MICAL3: variants seen among roughly 807,000 people sequenced by gnomAD.
MICAL3 encodes microtubule associated monooxygenase, calponin and LIM domain containing 3, also known as [F-actin]-monooxygenase MICAL3.
Under a neutral mutation model 207.4 loss-of-function variants are expected in MICAL3, and 62 were observed. The observed-to-expected ratio is 0.30, with a 90% CI of 0.24 to 0.37. The LOEUF is 0.37. Ranked by LOEUF, MICAL3 falls within the 10% of genes least tolerant of loss-of-function variation. The probability of loss-of-function intolerance (pLI) is 1.00; values close to 1 mark genes in which losing one functional copy is unlikely to be tolerated. For synonymous variants in MICAL3, 1,077 were observed against 1,069.3 expected (o/e 1.01, Z -0.14); for missense variants, 2,368 against 2,635.6 (o/e 0.90, Z 2.22).
intron 1 of MICAL3, among the ~76,000 whole-genome samples, chr22:18,022,756 C>A (rs1924565818): frequency 6.6e-6 from 1 of 152,076 alleles, no homozygotes; most frequent in African/African-American, 2.4e-5. Flanking sequence ...AGTGTCCATT[C>A]TCCTTGTAGT....
chr22:17,932,262 A>G (rs946160966), intron 1 of MICAL3, among the ~76,000 whole-genome samples: 1 of 152,242 alleles, frequency 6.6e-6, no homozygotes, highest in Non-Finnish European at 1.5e-5. Context: ...GAAGGCCATC[A>G]GACTAACGCG....
At chr22:17,962,321 C>A (rs1327757464) in intron 1 of MICAL3, among the ~76,000 whole-genome samples, 1 of 152,194 alleles carries the variant, frequency 6.6e-6, no homozygotes, top group South Asian at 2.1e-4. Context: ...CAGAGAGGGC[C>A]GCTCAGGGAG....
intron 16 of MICAL3, among the ~76,000 whole-genome samples, chr22:17,877,261 GGGAAGTTATGGAGGTT>G (rs1928746432): frequency 4.5e-5 from 2 of 44,860 alleles, no homozygotes; most frequent in African/African-American, 1.4e-4. Flanking sequence ...AGGGAGGTTA[GGGAAGTTATGGAGGTT>G]AGGGAGGTTA....
At chr22:17,877,988 G>C (rs578036053) in intron 16 of MICAL3, among the ~76,000 whole-genome samples, 1 of 152,256 alleles carries the variant, frequency 6.6e-6, no homozygotes, top group Admixed American at 6.5e-5. Context: ...CAGTGGCGGA[G>C]ACTACAGGCA....
chr22:17,922,981 TC>T (rs771592584), intron 1 of MICAL3, among the ~76,000 whole-genome samples: 21 of 152,168 alleles, frequency 1.4e-4, no homozygotes, highest in Non-Finnish European at 2.5e-4. Flanking sequence ...TAGGCATGAT[TC>T]ATCAGTGGAT....
intron 22 of MICAL3, 21 bp downstream of exon 22, chr22:17,827,623 C>T: frequency 6.5e-7 from 1 of 1,546,212 alleles, no homozygotes; most frequent in Non-Finnish European, 8.7e-7. Flanking sequence ...CACACTGCGG[C>T]CTGGGGCTGG....
chr22:17,827,681 C>T lies in MICAL3; in HGVS notation c.3156G>A (p.Glu1052=). The T allele has an allele frequency of 1.3e-6, 2 of 1,582,566 alleles. No homozygotes were observed. The highest frequency in any genetic ancestry group is 2.3e-5 in the East Asian group (1 of 42,976). The change falls in exon 22 of 32, where the codon GAG becomes GAA. Residue 1052 remains glutamate, a synonymous_variant. Coordinates refer to ENST00000441493, the MANE Select transcript of MICAL3 (RefSeq NM_015241.3). ...WTHIREREEE[E]RMAPASESSA... ...AGGACTCAGAGGCCGGCGCCATCCT[C>T]TCTTCCTCCTCTCTCTCACGGATAT...
intron 16 of MICAL3, among the ~76,000 whole-genome samples, chr22:17,877,359 AT>A (rs1928813081): frequency 8.7e-6 from 1 of 114,362 alleles, no homozygotes; most frequent in African/African-American, 4.7e-5. Flanking sequence ...TAGGGAGGTT[AT>A]GGAGGTTAGG....
At chr22:17,794,723 G>A (rs950226980) in intron 29 of MICAL3, among the ~76,000 whole-genome samples, 5 of 152,162 alleles carry the variant, frequency 3.3e-5, no homozygotes, top group South Asian at 2.1e-4. Flanking sequence ...GACAGGACAC[G>A]CCAAAACTTA....
At chr22:17,819,199 C>G in intron 25 of MICAL3, 70 bp from the exon 26 acceptor site, 1 of 1,398,726 alleles carries the variant, frequency 7.1e-7, no homozygotes, top group Non-Finnish European at 9.4e-7. Flanking sequence ...CCTCGGGGAG[C>G]CTTCTCACTC....
At chr22:18,003,825 G>A (rs1435475168) in intron 1 of MICAL3, among the ~76,000 whole-genome samples, 4 of 151,426 alleles carry the variant, frequency 2.6e-5, no homozygotes, top group Non-Finnish European at 5.9e-5. Flanking sequence ...TCTGGAGTGC[G>A]GTGGTGCCAT....
intron 1 of MICAL3, among the ~76,000 whole-genome samples, chr22:18,006,768 G>A (rs1226707655): frequency 6.6e-6 from 1 of 152,204 alleles, no homozygotes; most frequent in Non-Finnish European, 1.5e-5. Flanking sequence ...GGGAGGTGGA[G>A]GTTGTGATGA....
chr22:17,924,630 T>A (rs1175967840), intron 1 of MICAL3, among the ~76,000 whole-genome samples: 10 of 151,996 alleles, frequency 6.6e-5, no homozygotes, highest in Admixed American at 6.6e-4. Flanking sequence ...CTGAAAAAAA[T>A]ATGAAATCCA....
Position 17,967,107 on chromosome 22 carries a change from C to T in MICAL3, c.-75+57174G>A, listed in dbSNP as rs1602310216. On this transcript the variant is annotated intron_variant, in intron 1 of 31. Coordinates refer to ENST00000441493, the MANE Select transcript of MICAL3 (RefSeq NM_015241.3). ...GGCCACCATCCAGCTAAGCAGTCAA[C>T]CAACACGTGCTGAAAGAACAGAACA... is the stretch of plus-strand genomic sequence containing the variant. 2.6e-5 allele frequency among the ~76,000 whole-genome samples: 4 copies of T among 152,150 alleles called. No individual in the cohort carries two copies. The South Asian group carries it at 8.3e-4, about 32-fold the overall frequency.
chr22:17,998,843 C>T (rs900190338), intron 1 of MICAL3, among the ~76,000 whole-genome samples: 8 of 152,094 alleles, frequency 5.3e-5, no homozygotes, highest in African/African-American at 9.7e-5. Context: ...TGAGCCACCG[C>T]GCCGGGCCCA....
In MICAL3 at chr22:17,810,849, C is replaced by T. The variant is rs756576019; in HGVS notation, c.5446-36G>A. 17 of 1,555,920 alleles carry T rather than the reference C, an allele frequency of 1.1e-5. No homozygotes were observed. In the Admixed American group the frequency reaches 2.7e-4, roughly 24 times the overall value. On this transcript the variant is annotated intron_variant, in intron 27 of 31. Transcript: ENST00000441493. Reference sequence around the variant, plus strand: ...CAAGAGAAACTTCCTCAGTCAGGTGCACGGAGGCCTGGGACAGGGGTGGGC... The same window carrying T: ...CAAGAGAAACTTCCTCAGTCAGGTGTACGGAGGCCTGGGACAGGGGTGGGC...
At chr22:17,948,155 T>G (rs1441731794) in intron 1 of MICAL3, among the ~76,000 whole-genome samples, 2 of 152,168 alleles carry the variant, frequency 1.3e-5, no homozygotes, top group African/African-American at 4.8e-5. Context: ...GAAATCACAC[T>G]GCAGTCTGGC....
In MICAL3 at chr22:17,893,871, C is replaced by A; in HGVS notation, c.1483G>T (p.Asp495Tyr). 1 of 1,567,984 alleles carries A rather than the reference C, an allele frequency of 6.4e-7. No homozygotes were observed. Among genetic ancestry groups the A allele is most frequent in the Non-Finnish European group, 8.7e-7 (1 of 1,155,106 alleles). The stretch of plus-strand genomic sequence containing the variant: ...AGGCTCTCCATTTCCAGGTGAATAT[C>A]TTTTGTTTCGCCAGTATCATATAAA... ...RHLYDTGETK[D>Y]IHLEMESLVN... Residue 495 changes from aspartate (D) to tyrosine (Y), a missense_variant, in exon 11 of 32, where the codon GAT (aspartate) becomes TAT (tyrosine). Coordinates refer to ENST00000441493, the MANE Select transcript of MICAL3 (RefSeq NM_015241.3).
chr22:17,860,151 G>A, intron 19 of MICAL3: 1 of 967,670 alleles, frequency 1.0e-6, no homozygotes, highest in African/African-American at 1.8e-5. Context: ...GAAAAACTCA[G>A]AAATCCGAAG....
Sources: gnomAD v4.1 joint callset for allele counts (sites outside exome capture counted in the v4.1 genomes callset) on GRCh38, gnomAD v4.1.1 for gene constraint, MANE v1.5 for transcripts, NCBI Gene and HGNC (gene_info 2026-07-23, HGNC 2026-07-21) for gene names.